The following CNTNAP5 variants were observed in gnomAD, a reference collection of about 807,000 sequenced individuals.
CNTNAP5 encodes the protein contactin associated protein family member 5.
CNTNAP5 carries 72 observed loss-of-function variants against 150.2 expected under a neutral mutation model. That is an observed-to-expected ratio of 0.48 (90% confidence interval 0.40 to 0.58). The LOEUF is 0.58. Ranked by LOEUF, CNTNAP5 falls within the 20% of genes least tolerant of loss-of-function variation. The pLI, the probability that CNTNAP5 is intolerant of heterozygous loss-of-function variation, is 0.00. For synonymous variants in CNTNAP5, 672 were observed against 619.8 expected (o/e 1.08, Z -1.25); for missense variants, 1,636 against 1,626.2 (o/e 1.01, Z -0.10).
Position 124,076,295 on chromosome 2 carries a change from A to T in CNTNAP5, c.82+50563A>T, listed in dbSNP as rs1447727454. Among the ~76,000 whole-genome samples the T allele has an allele frequency of 2.6e-5, 4 of 152,254 alleles. No individual in the cohort carries two copies. In the East Asian group the frequency reaches 7.7e-4, roughly 29 times the overall value. ...TTTGCAGCAGCTCTGGTTAATCAAG[A>T]ACTCTACCTCCTGCTAATGACAGAG... On this transcript the variant is annotated intron_variant, in intron 1 of 23. Transcript: ENST00000682447.
At chr2:124,392,485 A>G (rs910413618) in intron 3 of CNTNAP5, among the ~76,000 whole-genome samples, 1 of 152,148 alleles carries the variant, frequency 6.6e-6, no homozygotes, top group Non-Finnish European at 1.5e-5. Context: ...AGACAGAGCT[A>G]TAATGTATTG....
intron 3 of CNTNAP5, among the ~76,000 whole-genome samples, chr2:124,250,259 T>A (rs780042): frequency 6.6e-6 from 1 of 151,978 alleles, no homozygotes; most frequent in African/African-American, 2.4e-5. Context: ...AGGGTGGGAC[T>A]GAGAATTTGC....
At position 124,422,907 on chromosome 2, in the gene CNTNAP5, G is replaced by C. The variant is rs140114083; in HGVS notation, c.529+5317G>C. ...CCAGTGCTTGTATAAGCATTTTGTT[G>C]TTGTTGGTTCTAGGCAAGCGTGATG... On this transcript the variant is annotated intron_variant, in intron 4 of 23. Transcript: ENST00000682447. Among the ~76,000 whole-genome samples the C allele has an allele frequency of 1.4e-3, 214 of 152,284 alleles. 2 individuals carry two copies. Among genetic ancestry groups the C allele is most frequent in the Middle Eastern group, 3.4e-3 (1 of 294 alleles).
At chr2:124,437,901 G>C (rs2104797832) in intron 5 of CNTNAP5, among the ~76,000 whole-genome samples, 1 of 152,192 alleles carries the variant, frequency 6.6e-6, no homozygotes, top group East Asian at 1.9e-4. Context: ...CATTTCAGCA[G>C]TGTCTCCTTT....
chr2:124,577,507 ATATC>A (rs1192753616), intron 11 of CNTNAP5, among the ~76,000 whole-genome samples: 3 of 152,164 alleles, frequency 2.0e-5, no homozygotes, highest in Admixed American at 6.5e-5. Context: ...GCATGTATAA[ATATC>A]TATTCAGGGT....
chr2:124,736,082 T>A (rs951434136), intron 13 of CNTNAP5, among the ~76,000 whole-genome samples: 4 of 152,062 alleles, frequency 2.6e-5, no homozygotes. Flanking sequence ...ATACAAAAAT[T>A]AGCTGGGCAT....
At chr2:124,172,584 T>TA (rs1684959625) in intron 1 of CNTNAP5, among the ~76,000 whole-genome samples, 1 of 152,116 alleles carries the variant, frequency 6.6e-6, no homozygotes, top group Admixed American at 6.5e-5. Context: ...AGCATTTTTT[T>TA]AGTATTTTTA....
chr2:124,794,590 C>A (rs1681805702), intron 18 of CNTNAP5, among the ~76,000 whole-genome samples: 1 of 152,078 alleles, frequency 6.6e-6, no homozygotes, highest in Admixed American at 6.6e-5. Context: ...TGCCAAAAAC[C>A]TGTCCAGAAA....
chr2:124,899,000 T>C (rs550583808), intron 21 of CNTNAP5, among the ~76,000 whole-genome samples: 1 of 151,406 alleles, frequency 6.6e-6, no homozygotes, highest in Non-Finnish European at 1.5e-5. Context: ...TAATATATTA[T>C]ATATTTGAAA....
At chr2:124,854,948 G>A (rs1029653044) in intron 19 of CNTNAP5, among the ~76,000 whole-genome samples, 4 of 152,098 alleles carry the variant, frequency 2.6e-5, no homozygotes, top group African/African-American at 9.7e-5. Flanking sequence ...GAGGCAAGTA[G>A]GTGTTTTCAG....
At chr2:124,772,661 G>T in intron 16 of CNTNAP5, 138 bp from the exon 17 acceptor site, 1 of 652,594 alleles carries the variant, frequency 1.5e-6, no homozygotes, top group Non-Finnish European at 2.7e-6. Flanking sequence ...TATTAATGGT[G>T]ATTTCAGTGC....
intron 3 of CNTNAP5, among the ~76,000 whole-genome samples, chr2:124,299,458 G>A (rs898293823): frequency 7.9e-5 from 12 of 152,072 alleles, no homozygotes; most frequent in Admixed American, 4.6e-4. Flanking sequence ...CTGTTCCTGC[G>A]TTAGTTTGCT....
chr2:124,822,231 G>A (rs576840213), intron 19 of CNTNAP5, among the ~76,000 whole-genome samples: 1 of 152,246 alleles, frequency 6.6e-6, no homozygotes, highest in Non-Finnish European at 1.5e-5. Context: ...TAGCTTATCA[G>A]CCCTCTTGGA....
chr2:124,219,788 T>C (rs940969561), intron 1 of CNTNAP5, among the ~76,000 whole-genome samples: 1 of 152,136 alleles, frequency 6.6e-6, no homozygotes, highest in Non-Finnish European at 1.5e-5. Flanking sequence ...TTTAAACAAG[T>C]GCTTTGAGGT....
chr2:124,852,196 AG>A (rs1165098661), intron 19 of CNTNAP5, among the ~76,000 whole-genome samples: 1 of 152,198 alleles, frequency 6.6e-6, no homozygotes. Flanking sequence ...CAAATACTGA[AG>A]TCTGATATTG....
At chr2:124,712,718 G>A (rs1679831807) in intron 13 of CNTNAP5, among the ~76,000 whole-genome samples, 1 of 151,984 alleles carries the variant, frequency 6.6e-6, no homozygotes, top group Non-Finnish European at 1.5e-5. Context: ...GTCCTCACAT[G>A]GTGGAAGAGG....
At position 124,653,914 on chromosome 2, in the gene CNTNAP5, C is replaced by CCCA. The variant is rs1381432342; in HGVS notation, c.2077+5958_2077+5959insACC. On this transcript the variant is annotated intron_variant, in intron 13 of 23. Coordinates refer to ENST00000682447, the MANE Select transcript of CNTNAP5 (RefSeq NM_001367498.1). ...AAACATGCCCCCACTGCCCCCAACC[C>CCCA]CCCCCCCCCGCCACACACACACAAT... is the stretch of plus-strand genomic sequence containing the variant. 4.1e-4 allele frequency among the ~76,000 whole-genome samples: 53 copies of CCCA among 128,788 alleles called. 8 individuals are homozygous for CCCA. The highest frequency in any genetic ancestry group is 1.3e-3 in the African/African-American group (41 of 32,094). The allele number at this position is 128,788 out of a possible 152,430, so 84.5% of individuals were successfully genotyped here. A position where few individuals can be genotyped will look rare whatever the true frequency, so the allele number is the denominator to read the frequency against.
chr2:124,059,821 C>T (rs570020849), intron 1 of CNTNAP5, among the ~76,000 whole-genome samples: 94 of 152,060 alleles, frequency 6.2e-4, no homozygotes, highest in Middle Eastern at 3.4e-3. Flanking sequence ...GGGCAAGAGC[C>T]TGTGAATTCC....
intron 23 of CNTNAP5, 76 bp downstream of exon 23, chr2:124,911,614 C>G (rs1266393114): frequency 8.3e-6 from 10 of 1,200,598 alleles, no homozygotes; most frequent in South Asian, 1.3e-5. Flanking sequence ...CTGAAGCTTT[C>G]CTTAATTATG....
Sources: gnomAD v4.1 joint callset for allele counts (sites outside exome capture counted in the v4.1 genomes callset) on GRCh38, gnomAD v4.1.1 for gene constraint, MANE v1.5 for transcripts, NCBI Gene and HGNC (gene_info 2026-07-23, HGNC 2026-07-21) for gene names.